EDIL3: variants seen among roughly 807,000 people sequenced by gnomAD.
The protein encoded by EDIL3 is EGF like and discoidin domains 3.
A neutral mutation model predicts 67.4 loss-of-function variants in EDIL3; 37 were observed. That is an observed-to-expected ratio of 0.55 (90% CI 0.42 to 0.72). EDIL3 has a LOEUF of 0.72. Ranked by LOEUF, EDIL3 falls within the 30% of genes least tolerant of loss-of-function variation. The pLI, the probability that EDIL3 is intolerant of heterozygous loss-of-function variation, is 0.00. For synonymous variants in EDIL3, 195 were observed against 196.3 expected (o/e 0.99, Z 0.05); for missense variants, 527 against 586.3 (o/e 0.90, Z 1.04).
At chr5:83,944,181 G>A (rs2112109990) in intron 10 of EDIL3, among the ~76,000 whole-genome samples, 1 of 149,890 alleles carries the variant, frequency 6.7e-6, no homozygotes, top group East Asian at 2.1e-4. Flanking sequence ...CTATCACAGT[G>A]CCTTTTGCCC....
intron 9 of EDIL3, among the ~76,000 whole-genome samples, chr5:84,022,282 G>T (rs1415697522): frequency 6.6e-6 from 1 of 151,826 alleles, no homozygotes; most frequent in East Asian, 1.9e-4. Flanking sequence ...CAATCAACAT[G>T]ATACATCACA....
At chr5:84,107,170 G>A (rs890453994) in intron 5 of EDIL3, among the ~76,000 whole-genome samples, 4 of 151,896 alleles carry the variant, frequency 2.6e-5, no homozygotes, top group Non-Finnish European at 5.9e-5. Context: ...TTATATTCCC[G>A]GAGATTAGCA....
chr5:84,201,544 G>T (rs1743837187), intron 3 of EDIL3, among the ~76,000 whole-genome samples: 1 of 152,034 alleles, frequency 6.6e-6, no homozygotes, highest in South Asian at 2.1e-4. Context: ...GGACTGGGTA[G>T]TTGTCATCAA....
At chr5:84,318,793 CA>C (rs1746565838) in intron 1 of EDIL3, among the ~76,000 whole-genome samples, 1 of 152,078 alleles carries the variant, frequency 6.6e-6, no homozygotes, top group Admixed American at 6.5e-5. Flanking sequence ...CAACAAATGC[CA>C]AAATAGACAA....
chr5:84,131,666 A>C (rs1321220624), intron 5 of EDIL3, among the ~76,000 whole-genome samples: 1 of 152,196 alleles, frequency 6.6e-6, no homozygotes, highest in Non-Finnish European at 1.5e-5. Flanking sequence ...GAGAGGATTA[A>C]AAAATCAATA....
At chr5:84,160,528 G>C (rs1174786588) in intron 4 of EDIL3, among the ~76,000 whole-genome samples, 1 of 151,946 alleles carries the variant, frequency 6.6e-6, no homozygotes, top group African/African-American at 2.4e-5. Flanking sequence ...TGAATTTTGT[G>C]TTTTATTTTT....
chr5:84,089,696 G>C (rs1407187580), intron 6 of EDIL3, among the ~76,000 whole-genome samples: 1 of 152,158 alleles, frequency 6.6e-6, no homozygotes, highest in Non-Finnish European at 1.5e-5. Flanking sequence ...GTCTAAATGT[G>C]ATGTATTTTC....
chr5:84,168,211 C>T (rs1748744069), intron 4 of EDIL3, among the ~76,000 whole-genome samples: 1 of 152,022 alleles, frequency 6.6e-6, no homozygotes, highest in Non-Finnish European at 1.5e-5. Flanking sequence ...AAATGATGTT[C>T]TATTTTTTAA....
At chr5:84,262,659 G>GTTGTTTTTT (rs1745250726) in intron 1 of EDIL3, among the ~76,000 whole-genome samples, 1 of 46,312 alleles carries the variant, frequency 2.2e-5, no homozygotes, top group South Asian at 1.5e-3. Context: ...AGGTTGGTTG[G>GTTGTTTTTT]TTTTTTTTTT....
At chr5:84,137,400 A>G (rs752305972) in intron 4 of EDIL3, 46 bp from the exon 5 acceptor site, 3 of 1,523,668 alleles carry the variant, frequency 2.0e-6, no homozygotes, top group Non-Finnish European at 2.7e-6. Context: ...TTGGTAAAAA[A>G]TGATTAGATA....
chr5:84,259,625 C>T (rs186873479), intron 1 of EDIL3, among the ~76,000 whole-genome samples: 3 of 152,210 alleles, frequency 2.0e-5, no homozygotes, highest in Admixed American at 2.0e-4. Context: ...TTACTGTTTG[C>T]CTGCTCTTTC....
intron 5 of EDIL3, among the ~76,000 whole-genome samples, chr5:84,122,923 A>AT (rs1024330456): frequency 2.2e-4 from 34 of 152,040 alleles, no homozygotes; most frequent in African/African-American, 7.5e-4. Flanking sequence ...ATTGAAAGTG[A>AT]TTTTACAGCT....
At chr5:84,067,205 T>TTTA (rs1470350139) in intron 6 of EDIL3, among the ~76,000 whole-genome samples, 50 of 152,300 alleles carry the variant, frequency 3.3e-4, no homozygotes, top group African/African-American at 1.2e-3. Context: ...TTTTCTTCAT[T>TTTA]TTATTATAAG....
intron 1 of EDIL3, among the ~76,000 whole-genome samples, chr5:84,367,209 C>T (rs1747757219): frequency 6.6e-6 from 1 of 151,556 alleles, no homozygotes; most frequent in Non-Finnish European, 1.5e-5. Flanking sequence ...AATATAATGC[C>T]AACAGCAGAA....
At chr5:84,141,577 A>C (rs954767932) in intron 4 of EDIL3, among the ~76,000 whole-genome samples, 1 of 148,480 alleles carries the variant, frequency 6.7e-6, no homozygotes, top group Admixed American at 6.8e-5. Flanking sequence ...AGAAAGAAGA[A>C]GAAAGAAGGA....
intron 9 of EDIL3, among the ~76,000 whole-genome samples, chr5:84,015,474 G>A (rs1745587623): frequency 6.6e-6 from 1 of 152,094 alleles, no homozygotes; most frequent in Admixed American, 6.6e-5. Context: ...GCAAATAAAA[G>A]CTTAGTATCA....
intron 6 of EDIL3, among the ~76,000 whole-genome samples, chr5:84,082,407 T>C (rs1166121583): frequency 6.6e-6 from 1 of 152,182 alleles, no homozygotes; most frequent in African/African-American, 2.4e-5. Flanking sequence ...ACATACACTC[T>C]AGTGTAAAGG....
intron 3 of EDIL3, among the ~76,000 whole-genome samples, chr5:84,214,844 G>A (rs560087166): frequency 1.6e-4 from 25 of 151,534 alleles, no homozygotes; most frequent in African/African-American, 5.6e-4. Context: ...TCAGCCTCCC[G>A]AGTAGCTGGG....
chr5:84,163,617 A>T (rs1027934285), intron 4 of EDIL3, among the ~76,000 whole-genome samples: 9 of 152,136 alleles, frequency 5.9e-5, no homozygotes, highest in Non-Finnish European at 1.2e-4. Context: ...GTGCAACTTA[A>T]GATCAAAATC....
Sources: gnomAD v4.1 joint callset for allele counts (sites outside exome capture counted in the v4.1 genomes callset) on GRCh38, gnomAD v4.1.1 for gene constraint, MANE v1.5 for transcripts, NCBI Gene and HGNC (gene_info 2026-07-23, HGNC 2026-07-21) for gene names.